CDH4: variants seen among roughly 807,000 people sequenced by gnomAD.
CDH4 encodes the protein cadherin 4, also known as cadherin-4.
CDH4 carries 33 observed loss-of-function variants against 86.0 expected under a neutral mutation model. The observed-to-expected ratio is 0.38, with a 90% CI of 0.29 to 0.51. The LOEUF (loss-of-function observed/expected upper bound fraction) is 0.51. Among genes scored for constraint, CDH4 ranks in the 20% least tolerant of loss-of-function variants. The probability of loss-of-function intolerance (pLI) is 0.86; values close to 1 mark genes in which losing one functional copy is unlikely to be tolerated. For missense variants in CDH4, 1,114 were observed against 1,307.4 expected (o/e 0.85, Z 2.28); for synonymous variants, 555 against 549.4 (o/e 1.01, Z -0.14).
At chr20:61,519,271 A>G (rs2085850261) in intron 2 of CDH4, among the ~76,000 whole-genome samples, 1 of 152,206 alleles carries the variant, frequency 6.6e-6, no homozygotes, top group South Asian at 2.1e-4. Flanking sequence ...CTCTTTTAAC[A>G]CTTAATGACT....
intron 2 of CDH4, among the ~76,000 whole-genome samples, chr20:61,668,871 C>T (rs1184822283): frequency 1.3e-5 from 2 of 152,236 alleles, no homozygotes; most frequent in Admixed American, 1.3e-4. Context: ...ACTTAGGATC[C>T]ACCAGCAGGC....
intron 2 of CDH4, among the ~76,000 whole-genome samples, chr20:61,281,168 T>C (rs1241156316): frequency 1.3e-5 from 2 of 152,162 alleles, no homozygotes; most frequent in Non-Finnish European, 2.9e-5. Context: ...GCTTATGGCC[T>C]GGGAGGCTCC....
intron 2 of CDH4, among the ~76,000 whole-genome samples, chr20:61,535,352 C>T (rs2085988620): frequency 6.6e-6 from 1 of 152,196 alleles, no homozygotes; most frequent in Admixed American, 6.5e-5. Context: ...GGCCCTCAGG[C>T]TCAGCCTCGT....
chr20:61,315,243 C>T (rs949773197), intron 2 of CDH4, among the ~76,000 whole-genome samples: 1 of 152,084 alleles, frequency 6.6e-6, no homozygotes, highest in African/African-American at 2.4e-5. Context: ...GTGAGATGCT[C>T]ATGGCTTTCT....
intron 2 of CDH4, among the ~76,000 whole-genome samples, chr20:61,482,284 C>T (rs1048588725): frequency 4.6e-5 from 7 of 152,216 alleles, no homozygotes; most frequent in African/African-American, 7.2e-5. Flanking sequence ...GATGTTTGTA[C>T]GTGTCTGCCC....
chr20:61,883,672 C>G (rs1163194443), intron 7 of CDH4, among the ~76,000 whole-genome samples: 1 of 152,196 alleles, frequency 6.6e-6, no homozygotes, highest in African/African-American at 2.4e-5. Flanking sequence ...CTGCCCGGCC[C>G]CTGGAGAGGG....
chr20:61,399,414 G>A lies in CDH4; in HGVS notation c.169+144477G>A, dbSNP rs1373154972. Among the ~76,000 whole-genome samples, 2 of 45,214 alleles carry A rather than the reference G, an allele frequency of 4.4e-5. 1 individual carries two copies. The highest frequency in any genetic ancestry group is 8.2e-5 in the Non-Finnish European group (2 of 24,322). 29.7% of individuals were successfully genotyped at this position (45,214 alleles called of 152,430 possible). Reference sequence around the variant, plus strand: ...CCCAAAGTGCTGGGATTACAGGCGTGAGCCACCGCGCCCGGCCAAAACCCA... The same window carrying A: ...CCCAAAGTGCTGGGATTACAGGCGTAAGCCACCGCGCCCGGCCAAAACCCA... On this transcript the variant is annotated intron_variant, in intron 2 of 15. Coordinates refer to ENST00000614565, the MANE Select transcript of CDH4 (RefSeq NM_001794.5).
At chr20:61,259,412 G>C (rs536527305) in intron 2 of CDH4, among the ~76,000 whole-genome samples, 65 of 152,344 alleles carry the variant, frequency 4.3e-4, no homozygotes, top group African/African-American at 1.5e-3. Flanking sequence ...ACACAGGCAA[G>C]AATGTCATCC....
chr20:61,860,581 C>CA (rs1983277329), intron 6 of CDH4, among the ~76,000 whole-genome samples: 1 of 152,096 alleles, frequency 6.6e-6, no homozygotes, highest in East Asian at 1.9e-4. Flanking sequence ...GTGCAGGATG[C>CA]CCTGACAAGC....
At chr20:61,358,855 G>A (rs1455044391) in intron 2 of CDH4, among the ~76,000 whole-genome samples, 1 of 152,222 alleles carries the variant, frequency 6.6e-6, no homozygotes, top group Non-Finnish European at 1.5e-5. Context: ...TCCCTCTACA[G>A]GGAGCCGTCA....
rs147673079 is a variant in CDH4, at chr20:61,800,526, A to G, written c.576+27344A>G. On this transcript the variant is annotated intron_variant, in intron 4 of 15. Coordinates refer to ENST00000614565, the MANE Select transcript of CDH4 (RefSeq NM_001794.5). ...CCTCATCGCCCCCCACAGAAAGGAA[A>G]TGGAGCCCAGAGAGGGTAAAACACC... 3.1e-3 allele frequency among the ~76,000 whole-genome samples: 478 copies of G among 152,328 alleles called. 2 individuals carry two copies. Among genetic ancestry groups the G allele is most frequent in the Non-Finnish European group, 5.1e-3 (347 of 68,018 alleles).
chr20:61,773,093 G>A lies in CDH4; in HGVS notation c.487G>A (p.Gly163Arg), dbSNP rs143400273. 9.5e-5 allele frequency: 154 copies of A among 1,613,092 alleles called. No homozygotes were observed. The African/African-American group carries it at 1.8e-3, about 19-fold the overall frequency. ...LPWPQHQNAN[G>R]LRRRKRDWVI... ...GTGGCCCCAGCACCAGAACGCCAAC[G>A]GGCTGAGGCGGCGCAAACGGGACTG... is the stretch of plus-strand genomic sequence containing the variant. Residue 163 changes from glycine (G) to arginine (R), a missense_variant, in exon 4 of 16, where the codon GGG (glycine) becomes AGG (arginine). By Grantham distance (125) the Gly-to-Arg change is moderately radical (BLOSUM62 -2). Coordinates refer to ENST00000614565, the MANE Select transcript of CDH4 (RefSeq NM_001794.5).
At chr20:61,275,136 T>C (rs1425070042) in intron 2 of CDH4, among the ~76,000 whole-genome samples, 5 of 103,326 alleles carry the variant, frequency 4.8e-5, no homozygotes, top group African/African-American at 3.9e-5. Flanking sequence ...GAGTACTGTG[T>C]GCAGTTTGGG....
At chr20:61,758,671 C>T (rs988109522) in intron 3 of CDH4, among the ~76,000 whole-genome samples, 2 of 152,230 alleles carry the variant, frequency 1.3e-5, no homozygotes, top group Non-Finnish European at 2.9e-5. Context: ...TGTACAGTGA[C>T]GGTCCCCCTG....
In CDH4 at chr20:61,544,921, G is replaced by A. The variant is rs545200449; in HGVS notation, c.170-198642G>A. 2.4e-4 allele frequency among the ~76,000 whole-genome samples: 36 copies of A among 152,276 alleles called. No individual in the cohort carries two copies. The South Asian group carries it at 6.8e-3, about 29-fold the overall frequency. On this transcript the variant is annotated intron_variant, in intron 2 of 15. Coordinates refer to ENST00000614565, the MANE Select transcript of CDH4 (RefSeq NM_001794.5). This position sits in a 1 kb window ranked among gnomAD's most constrained non-coding sequence, Gnocchi z 6.5. ...ATACAGGTGCTAGGTACAATCAAAT[G>A]TATGTGATAAGTAATTAGATATCCA... is the stretch of plus-strand genomic sequence containing the variant.
At chr20:61,376,681 G>A (rs1031332495) in intron 2 of CDH4, among the ~76,000 whole-genome samples, 2 of 152,204 alleles carry the variant, frequency 1.3e-5, no homozygotes, top group Non-Finnish European at 2.9e-5. Context: ...GTTCCCTCCT[G>A]TGGATCCTTC....
chr20:61,921,333 G>A (rs868063823), intron 9 of CDH4, among the ~76,000 whole-genome samples: 12 of 152,296 alleles, frequency 7.9e-5, no homozygotes, highest in African/African-American at 2.4e-4. Context: ...ATGGTGTTGT[G>A]TAAATCTCAC....
At chr20:61,690,861 C>T (rs1291892063) in intron 2 of CDH4, among the ~76,000 whole-genome samples, 2 of 152,036 alleles carry the variant, frequency 1.3e-5, no homozygotes, top group Non-Finnish European at 2.9e-5. Context: ...CAGGGAAAAG[C>T]CAGGTCCAAG....
chr20:61,939,854 C>CA lies in CDH4; in HGVS notation c.*2913dup, dbSNP rs2055242304. On this transcript the variant is annotated 3_prime_UTR_variant, in exon 16 of 16. Coordinates refer to ENST00000614565, the MANE Select transcript of CDH4 (RefSeq NM_001794.5). ...GTCCTCTTCAGGGCCTGGGCAGCCC[C>CA]AATTTCTGGCCCAGCAGGTTTCTCT... 6.6e-6 allele frequency: 1 copy of CA among 152,412 alleles called. No individual in the cohort carries two copies. Among genetic ancestry groups the CA allele is most frequent in the East Asian group, 1.9e-4 (1 of 5,190 alleles). 9.4% of individuals were successfully genotyped at this position (152,412 alleles called of 1,614,324 possible).
Sources: allele counts gnomAD v4.1 joint callset (sites outside exome capture counted in the v4.1 genomes callset), GRCh38; gene constraint gnomAD v4.1.1; non-coding constraint Gnocchi (gnomAD v3.1); transcripts MANE v1.5; gene names NCBI Gene and HGNC (gene_info 2026-07-23, HGNC 2026-07-21).